CREB3L1: variants seen among roughly 807,000 people sequenced by gnomAD.
The protein encoded by CREB3L1 is cAMP responsive element binding protein 3 like 1.
Under a neutral mutation model 54.5 loss-of-function variants are expected in CREB3L1, and 33 were observed. That is an observed-to-expected ratio of 0.61 (90% CI 0.46 to 0.81). The LOEUF (loss-of-function observed/expected upper bound fraction) is 0.81. Ranked by LOEUF, CREB3L1 falls within the 30% of genes least tolerant of loss-of-function variation. CREB3L1 has a pLI of 0.00. For missense variants in CREB3L1, 656 were observed against 673.3 expected, an observed-to-expected ratio of 0.97 and a Z score of 0.29; for synonymous variants, 284 against 286.4, an observed-to-expected ratio of 0.99 and a Z score of 0.08.
chr11:46,316,241 C>T, intron 8 of CREB3L1, 45 bp from the exon 9 acceptor site: 1 of 1,269,424 alleles, frequency 7.9e-7, no homozygotes, highest in Non-Finnish European at 1.1e-6. Flanking sequence ...GGCAGAGATG[C>T]CTGCGGGGTC....
At position 46,307,850 on chromosome 11, in the gene CREB3L1, A is replaced by G. The variant is rs1197929020; in HGVS notation, c.366A>G (p.Lys122=). The G allele has an allele frequency of 6.3e-7, 1 of 1,582,638 alleles. No individual in the cohort carries two copies. The highest frequency in any genetic ancestry group is 8.6e-7 in the Non-Finnish European group (1 of 1,164,488). The change falls in exon 3 of 12, where the codon AAA becomes AAG. Residue 122 remains lysine (K), a synonymous_variant. Coordinates refer to ENST00000621158, the MANE Select transcript of CREB3L1 (RefSeq NM_052854.4). ...ATGGAGCATGGGCGCTGGGACACAA[A>G]CTGTGCTCCATCATGGTGAAGCAGG... ...AEHGAWALGH[K]LCSIMVKQEQ... is the part of the protein sequence containing the mutation.
rs372480503 is a variant in CREB3L1 at position 46,320,451 on chromosome 11, G to A, written c.1446G>A (p.Leu482=). 52 of 1,608,372 alleles carry A rather than the reference G, an allele frequency of 3.2e-5. No individual in the cohort carries two copies. Among genetic ancestry groups the A allele is most frequent in the Admixed American group, 5.1e-5 (3 of 59,060 alleles). The change falls in exon 11 of 12, where the codon CTG becomes CTA. Residue 482 remains leucine, a synonymous_variant. Transcript: ENST00000621158. The part of the protein sequence containing the change: ...LDSTHETTKY[L]SEAWPKDGGN... ...GCACCCACGAGACCACCAAGTACCT[G>A]AGTGAGGCCTGGCCTAAAGACGGTG...
chr11:46,301,357 G>A (rs758587934), intron 2 of CREB3L1, among the ~76,000 whole-genome samples: 1 of 151,946 alleles, frequency 6.6e-6, no homozygotes, highest in Non-Finnish European at 1.5e-5. Context: ...ATAATAACTG[G>A]CTGGGTGCAG....
Position 46,320,936 on chromosome 11 carries a change from A to T in CREB3L1, c.*190A>T, listed in dbSNP as rs892300541. 2 of 712,850 alleles carry T rather than the reference A, an allele frequency of 2.8e-6. No individual in the cohort carries two copies. Among genetic ancestry groups the T allele is most frequent in the Non-Finnish European group, 5.1e-6 (2 of 394,382 alleles). 44.2% of individuals were successfully genotyped at this position (712,850 alleles called of 1,614,324 possible). A position where few individuals can be genotyped will look rare whatever the true frequency, so the allele number is the denominator to read the frequency against. On this transcript the variant is annotated 3_prime_UTR_variant, in exon 12 of 12. Coordinates refer to ENST00000621158, the MANE Select transcript of CREB3L1 (RefSeq NM_052854.4). ...CCCTTGGGCCGACCACTCTGTTCTC[A>T]TTCTCCTTCCCACCAACATCCATCC...
Position 46,321,220 on chromosome 11 carries a change from C to T in CREB3L1, c.*474C>T. On this transcript the variant is annotated 3_prime_UTR_variant, in exon 12 of 12. Transcript: ENST00000621158. ...ATCTCCCTCTTCCCTTCGCCCCTCC[C>T]TTGTTTTATATTTTATGAAGTTAGT... The T allele has an allele frequency of 3.2e-6, 1 of 316,326 alleles. No individual in the cohort carries two copies. The highest frequency in any genetic ancestry group is 6.2e-6 in the Non-Finnish European group (1 of 162,406). 19.6% of individuals were successfully genotyped at this position (316,326 alleles called of 1,614,324 possible).
intron 10 of CREB3L1, among the ~76,000 whole-genome samples, chr11:46,318,985 C>G (rs940052647): frequency 6.6e-6 from 1 of 152,020 alleles, no homozygotes; most frequent in African/African-American, 2.4e-5. Context: ...TCACTAAAGG[C>G]GGGTGGGCAG....
intron 2 of CREB3L1, among the ~76,000 whole-genome samples, chr11:46,300,992 G>A (rs374072979): frequency 1.6e-4 from 19 of 117,920 alleles, no homozygotes; most frequent in African/African-American, 4.3e-4. Context: ...GCGACAGAGC[G>A]AGACTCCATC....
intron 3 of CREB3L1, among the ~76,000 whole-genome samples, chr11:46,309,499 A>C (rs1260103810): frequency 6.6e-6 from 1 of 152,184 alleles, no homozygotes; most frequent in Non-Finnish European, 1.5e-5. Flanking sequence ...CATTGCCTCC[A>C]ACTTCTTTGT....
rs112394580 is a variant in CREB3L1, at chr11:46,277,997, C to A, written c.-115C>A. The A allele has an allele frequency of 2.8e-3, 1,388 of 487,714 alleles. 24 individuals carry two copies. The highest frequency in any genetic ancestry group is 3.3e-3 in the Non-Finnish European group (984 of 302,342). 30.2% of individuals were successfully genotyped at this position (487,714 alleles called of 1,614,324 possible). ...GTCCGCCCCTCCCCCGGGGCTTCGC[C>A]CCGGACCTGCCCCCCGCCCGTTTGC... On this transcript the variant is annotated 5_prime_UTR_variant, in exon 1 of 12. Transcript: ENST00000621158.
chr11:46,316,349 C>A lies in CREB3L1; in HGVS notation c.1095C>A (p.Tyr365Ter). Residue 365 changes from tyrosine (Y) to a stop codon, truncating the protein, a stop_gained, in exon 9 of 12, where the codon TAC becomes TAA. Coordinates refer to ENST00000621158, the MANE Select transcript of CREB3L1 (RefSeq NM_052854.4). LOFTEE classifies it high-confidence loss of function. ...TLVTNKISRP[Y>*]KMAATQTGTC... ...TCACCAACAAGATCTCCAGACCTTA[C>A]AAGATGGCCGCCACCCAGACTGGGA... 1.9e-6 allele frequency: 3 copies of A among 1,574,250 alleles called. No individual in the cohort carries two copies. The highest frequency in any genetic ancestry group is 2.6e-6 in the Non-Finnish European group (3 of 1,160,096).
intron 1 of CREB3L1, among the ~76,000 whole-genome samples, chr11:46,288,069 T>A (rs995491138): frequency 5.9e-5 from 9 of 152,050 alleles, no homozygotes; most frequent in East Asian, 1.9e-4. Flanking sequence ...CTCTTTTTTT[T>A]ATTTTATTTA....
chr11:46,302,168 AAATAAT>A (rs61146206), intron 2 of CREB3L1, among the ~76,000 whole-genome samples: 19,539 of 135,458 alleles, frequency 0.14, 1,465 homozygotes, highest in African/African-American at 0.18. Context: ...GCTCCGTCTC[AAATAAT>A]AATAATAATA....
chr11:46,307,025 C>T (rs369242000), intron 2 of CREB3L1, among the ~76,000 whole-genome samples: 26 of 151,994 alleles, frequency 1.7e-4, no homozygotes, highest in East Asian at 3.9e-4. Context: ...CTAACAGGCA[C>T]GTGCCGCCAC....
intron 8 of CREB3L1, 31 bp from the exon 9 acceptor site, chr11:46,316,254 AG>A: frequency 6.9e-7 from 1 of 1,441,070 alleles, no homozygotes; most frequent in Non-Finnish European, 9.6e-7. Context: ...GCGGGGTCAA[AG>A]CCTGCCAGCT....
intron 8 of CREB3L1, 73 bp downstream of exon 8, chr11:46,312,992 G>A (rs1939514786): frequency 1.8e-6 from 2 of 1,100,230 alleles, no homozygotes; most frequent in Non-Finnish European, 1.3e-6. Flanking sequence ...GCATAGCTCT[G>A]GGAGACAGGG....
rs1426055368 is a variant in CREB3L1 at position 46,320,794 on chromosome 11, A to C, written c.*48A>C. On this transcript the variant is annotated 3_prime_UTR_variant, in exon 12 of 12. Coordinates refer to ENST00000621158, the MANE Select transcript of CREB3L1 (RefSeq NM_052854.4). Reference sequence around the variant, plus strand: ...AGGACGGACCCCTGGTACCCAGAAGAGGAGTTCTTGCTCACTAACCCGGAT... The same window carrying C: ...AGGACGGACCCCTGGTACCCAGAAGCGGAGTTCTTGCTCACTAACCCGGAT... 6.3e-7 allele frequency: 1 copy of C among 1,595,004 alleles called. No homozygotes were observed. Among genetic ancestry groups the C allele is most frequent in the Non-Finnish European group, 8.6e-7 (1 of 1,168,806 alleles).
At chr11:46,283,403 A>G (rs1425430969) in intron 1 of CREB3L1, among the ~76,000 whole-genome samples, 5 of 152,134 alleles carry the variant, frequency 3.3e-5, no homozygotes, top group African/African-American at 1.2e-4. Context: ...ACTTTTTTTT[A>G]CCAGCCCCAT....
At chr11:46,319,878 CAAA>C (rs75400988) in intron 10 of CREB3L1, among the ~76,000 whole-genome samples, 3 of 122,762 alleles carry the variant, frequency 2.4e-5, no homozygotes, top group Admixed American at 8.8e-5. Flanking sequence ...GACTCTGTCT[CAAA>C]AAAAAAAAAA....
chr11:46,282,639 G>A (rs911549880), intron 1 of CREB3L1, among the ~76,000 whole-genome samples: 12 of 152,072 alleles, frequency 7.9e-5, no homozygotes, highest in Non-Finnish European at 1.5e-4. Context: ...CTTAGGGAAC[G>A]CTCCCTGACT....
Sources: allele counts gnomAD v4.1 joint callset (sites outside exome capture counted in the v4.1 genomes callset), GRCh38; gene constraint gnomAD v4.1.1; transcripts MANE v1.5; gene names NCBI Gene and HGNC (gene_info 2026-07-23, HGNC 2026-07-21).